Variants in CCSER1 observed in about 807,000 individuals in gnomAD.
The protein encoded by CCSER1 is serine-rich coiled-coil domain-containing protein 1.
CCSER1 carries 41 observed loss-of-function variants against 82.0 expected under a neutral mutation model. The observed-to-expected ratio is 0.50, with a 90% CI of 0.39 to 0.65. The LOEUF (loss-of-function observed/expected upper bound fraction) is 0.65, where lower values mean the gene tolerates loss of function less well. CCSER1 is among the 30% of genes least tolerant of loss of function. CCSER1 has a pLI of 0.00. For missense variants in CCSER1, 1,119 were observed against 1,064.2 expected (o/e 1.05, Z -0.72); for synonymous variants, 414 against 383.9 (o/e 1.08, Z -0.92).
intron 9 of CCSER1, among the ~76,000 whole-genome samples, chr4:90,977,997 G>T (rs1561439572): frequency 6.6e-6 from 1 of 151,626 alleles, no homozygotes; most frequent in Non-Finnish European, 1.5e-5. Flanking sequence ...TGCAATACAT[G>T]TATATTAGGG....
intron 1 of CCSER1, among the ~76,000 whole-genome samples, chr4:90,152,582 G>A (rs1727064924): frequency 6.6e-6 from 1 of 152,134 alleles, no homozygotes; most frequent in South Asian, 2.1e-4. Context: ...TCACATTTGA[G>A]GAAGGTTATT....
chr4:91,002,753 C>A (rs1280010885), intron 9 of CCSER1, among the ~76,000 whole-genome samples: 1 of 151,962 alleles, frequency 6.6e-6, no homozygotes, highest in Non-Finnish European at 1.5e-5. Flanking sequence ...TCAGGTAAAT[C>A]AGGGATTTCT....
At chr4:91,065,069 T>C (rs1240744284) in intron 9 of CCSER1, among the ~76,000 whole-genome samples, 3 of 150,932 alleles carry the variant, frequency 2.0e-5, no homozygotes, top group African/African-American at 7.3e-5. Context: ...ATCAGTATAC[T>C]ACAAAAAAAA....
chr4:91,260,762 A>T (rs115765779), intron 10 of CCSER1, among the ~76,000 whole-genome samples: 41,060 of 150,590 alleles, frequency 0.27, 5,608 homozygotes, highest in South Asian at 0.37. Context: ...TTATTTATTT[A>T]TTTTTTTATT....
intron 5 of CCSER1, among the ~76,000 whole-genome samples, chr4:90,592,277 G>A (rs994906902): frequency 4.6e-5 from 7 of 152,112 alleles, no homozygotes; most frequent in Admixed American, 2.6e-4. Flanking sequence ...CCTAATTGCA[G>A]GCATTAGAAT....
rs78673189 is a variant in CCSER1 at position 91,600,878 on chromosome 4, T to C, written c.*1821T>C. 18 of 152,236 alleles carry C rather than the reference T, an allele frequency of 1.2e-4. No homozygotes were observed. In the East Asian group the frequency reaches 3.5e-3, roughly 29 times the overall value. 9.4% of individuals were successfully genotyped at this position (152,236 alleles called of 1,614,324 possible). On this transcript the variant is annotated 3_prime_UTR_variant, in exon 11 of 11. Coordinates refer to ENST00000509176, the MANE Select transcript of CCSER1 (RefSeq NM_001145065.2). ...CTGCAAATTGCTTGACTTAATGAGA[T>C]TGCCATCTAAAGTTCCCACCATACT...
At chr4:91,038,664 T>G (rs950882287) in intron 9 of CCSER1, among the ~76,000 whole-genome samples, 2 of 152,192 alleles carry the variant, frequency 1.3e-5, no homozygotes, top group Admixed American at 6.5e-5. Context: ...CTTGATTTGG[T>G]TAAAACATTG....
At chr4:90,245,121 A>G (rs1022023366) in intron 1 of CCSER1, among the ~76,000 whole-genome samples, 33 of 152,210 alleles carry the variant, frequency 2.2e-4, no homozygotes, top group African/African-American at 7.7e-4. Context: ...TTAATTTGAA[A>G]TATTAAAGTG....
chr4:90,939,062 C>T (rs1731289056), intron 9 of CCSER1, among the ~76,000 whole-genome samples: 4 of 152,124 alleles, frequency 2.6e-5, no homozygotes, highest in Admixed American at 2.6e-4. Flanking sequence ...TCATCCATGT[C>T]ATTGGTCTCC....
rs534636867 is a variant in CCSER1, at chr4:91,128,803, G to A, written c.2217+42809G>A. Among the ~76,000 whole-genome samples, 9 of 152,156 alleles carry A rather than the reference G, an allele frequency of 5.9e-5. No homozygotes were observed. The East Asian group carries it at 1.7e-3, about 29-fold the overall frequency. On this transcript the variant is annotated intron_variant, in intron 10 of 10. Coordinates refer to ENST00000509176, the MANE Select transcript of CCSER1 (RefSeq NM_001145065.2). ...GAAAATACAGTTAGACTAGAGCAAG[G>A]CTGATCATTCAAGATGACTTACATT...
At chr4:91,596,513 A>G (rs1321194994) in intron 10 of CCSER1, among the ~76,000 whole-genome samples, 1 of 152,088 alleles carries the variant, frequency 6.6e-6, no homozygotes, top group East Asian at 1.9e-4. Context: ...GGTTGGTAAC[A>G]ATTAAATAAA....
At chr4:90,500,758 T>G (rs1215686691) in intron 5 of CCSER1, among the ~76,000 whole-genome samples, 6 of 152,298 alleles carry the variant, frequency 3.9e-5, no homozygotes, top group African/African-American at 9.6e-5. Flanking sequence ...ATTAATATTT[T>G]TATTATAAAG....
intron 10 of CCSER1, among the ~76,000 whole-genome samples, chr4:91,357,362 C>A (rs1181066363): frequency 6.6e-6 from 1 of 151,994 alleles, no homozygotes; most frequent in Non-Finnish European, 1.5e-5. Context: ...ACTCTTTAAT[C>A]TTTTATAATT....
chr4:90,411,305 G>C (rs1754742786), intron 4 of CCSER1, among the ~76,000 whole-genome samples: 1 of 152,068 alleles, frequency 6.6e-6, no homozygotes, highest in African/African-American at 2.4e-5. Flanking sequence ...ACCAAAGCCT[G>C]GCAGAGACAC....
intron 6 of CCSER1, among the ~76,000 whole-genome samples, chr4:90,713,802 CTACA>C (rs1741099353): frequency 6.6e-6 from 1 of 151,880 alleles, no homozygotes; most frequent in Non-Finnish European, 1.5e-5. Flanking sequence ...GGTTCAGTCT[CTACA>C]TAATCCCATA....
At chr4:90,649,078 C>T (rs769213010) in intron 6 of CCSER1, among the ~76,000 whole-genome samples, 10 of 152,026 alleles carry the variant, frequency 6.6e-5, no homozygotes, top group Non-Finnish European at 1.2e-4. Context: ...ATTAAAATGG[C>T]CAAGAGGTTA....
At chr4:90,981,342 A>G (rs1316657523) in intron 9 of CCSER1, among the ~76,000 whole-genome samples, 2 of 151,874 alleles carry the variant, frequency 1.3e-5, no homozygotes, top group Non-Finnish European at 2.9e-5. Flanking sequence ...AAATAAAGAC[A>G]GTTTATACAC....
chr4:91,377,895 AG>A (rs1445105026), intron 10 of CCSER1, among the ~76,000 whole-genome samples: 1 of 152,214 alleles, frequency 6.6e-6, no homozygotes, highest in African/African-American at 2.4e-5. Context: ...CTAACATTTA[AG>A]TCTTTAATCC....
chr4:90,243,522 C>A (rs984170831), intron 1 of CCSER1, among the ~76,000 whole-genome samples: 1 of 151,734 alleles, frequency 6.6e-6, no homozygotes, highest in African/African-American at 2.4e-5. Flanking sequence ...GTTGGGATTA[C>A]AGGTGTGAGC....
Sources: gnomAD v4.1 joint callset for allele counts (sites outside exome capture counted in the v4.1 genomes callset) on GRCh38, gnomAD v4.1.1 for gene constraint, MANE v1.5 for transcripts, NCBI Gene and HGNC (gene_info 2026-07-23, HGNC 2026-07-21) for gene names.